Variants in CNTN5 observed in about 807,000 individuals in gnomAD.
CNTN5 encodes the protein contactin-5.
A neutral mutation model predicts 129.1 loss-of-function variants in CNTN5; 77 were observed. The observed-to-expected ratio is 0.60, with a 90% CI of 0.50 to 0.72. The LOEUF is 0.72. Ranked by LOEUF, CNTN5 falls within the 30% of genes least tolerant of loss-of-function variation. The pLI, the probability that CNTN5 is intolerant of heterozygous loss-of-function variation, is 0.00. For missense variants in CNTN5, 1,478 were observed against 1,328.8 expected, an observed-to-expected ratio of 1.11 and a Z score of -1.75; for synonymous variants, 509 against 465.6, an observed-to-expected ratio of 1.09 and a Z score of -1.20.
intron 2 of CNTN5, among the ~76,000 whole-genome samples, chr11:99,434,950 AT>A (rs1943543948): frequency 6.6e-6 from 1 of 152,152 alleles, no homozygotes; most frequent in African/African-American, 2.4e-5. Context: ...CTTGCATCCA[AT>A]TTTAGGATCA....
intron 1 of CNTN5, among the ~76,000 whole-genome samples, chr11:99,085,388 G>A (rs992999131): frequency 6.6e-6 from 1 of 152,088 alleles, no homozygotes; most frequent in Non-Finnish European, 1.5e-5. Context: ...TAAAGATTAA[G>A]ATTAATATTA....
intron 3 of CNTN5, among the ~76,000 whole-genome samples, chr11:99,679,405 T>C (rs1953454963): frequency 6.6e-6 from 1 of 152,084 alleles, no homozygotes; most frequent in Admixed American, 6.6e-5. Context: ...ATGTGTTCAC[T>C]CTACCTTTAT....
intron 9 of CNTN5, among the ~76,000 whole-genome samples, chr11:100,039,766 A>C (rs913319933): frequency 2.0e-5 from 3 of 152,118 alleles, no homozygotes; most frequent in Admixed American, 6.6e-5. Context: ...GGCATTGGCT[A>C]CTGAGGCTTC....
intron 3 of CNTN5, among the ~76,000 whole-genome samples, chr11:99,784,416 G>A (rs906980183): frequency 4.0e-5 from 6 of 151,888 alleles, no homozygotes; most frequent in Non-Finnish European, 8.8e-5. Context: ...GTATGTTCCT[G>A]TGTTAATTTG....
chr11:100,080,963 A>T (rs1944341457), intron 13 of CNTN5, among the ~76,000 whole-genome samples: 1 of 152,138 alleles, frequency 6.6e-6, no homozygotes, highest in African/African-American at 2.4e-5. Context: ...ACTATATAAG[A>T]TGCCTTAGTA....
At chr11:100,166,695 A>T (rs931957717) in intron 13 of CNTN5, among the ~76,000 whole-genome samples, 11 of 151,798 alleles carry the variant, frequency 7.2e-5, no homozygotes, top group Admixed American at 2.6e-4. Flanking sequence ...AAAGCAGAAT[A>T]GGCACAAAGG....
intron 6 of CNTN5, among the ~76,000 whole-genome samples, chr11:99,854,981 G>A (rs1591315170): frequency 6.6e-6 from 1 of 152,098 alleles, no homozygotes; most frequent in African/African-American, 2.4e-5. Flanking sequence ...AGTTTAAAGT[G>A]GGGACTGATA....
chr11:99,763,627 C>A (rs934045299), intron 3 of CNTN5, among the ~76,000 whole-genome samples: 2 of 151,740 alleles, frequency 1.3e-5, no homozygotes, highest in African/African-American at 4.8e-5. Flanking sequence ...ATAGGTACAC[C>A]CACCTCATTA....
intron 3 of CNTN5, among the ~76,000 whole-genome samples, chr11:99,608,441 A>G (rs773089290): frequency 6.6e-6 from 1 of 152,206 alleles, no homozygotes; most frequent in Non-Finnish European, 1.5e-5. Flanking sequence ...CCTGGTCAGA[A>G]TGTGACTTTA....
chr11:100,083,863 ATTTT>A (rs1944454329), intron 13 of CNTN5, among the ~76,000 whole-genome samples: 2 of 151,818 alleles, frequency 1.3e-5, no homozygotes, highest in African/African-American at 4.8e-5. Context: ...TCCTTCAAAT[ATTTT>A]CTTTTTCTTG....
intron 3 of CNTN5, among the ~76,000 whole-genome samples, chr11:99,769,612 G>A (rs1020295435): frequency 2.0e-5 from 3 of 152,010 alleles, no homozygotes; most frequent in Non-Finnish European, 2.9e-5. Context: ...TGAAGAGGGC[G>A]AATAGCTTGA....
intron 3 of CNTN5, among the ~76,000 whole-genome samples, chr11:99,630,255 TATATATATATATATGTATATACACATA>T (rs1382905467): frequency 2.8e-4 from 1 of 3,518 alleles, no homozygotes; most frequent in African/African-American, 3.1e-4. Context: ...TACATATATA[TATATATATATATATGTATATACACATA>T]ATATGGTTGG....
intron 3 of CNTN5, among the ~76,000 whole-genome samples, chr11:99,807,050 A>C (rs1369129959): frequency 6.6e-6 from 1 of 152,124 alleles, no homozygotes; most frequent in African/African-American, 2.4e-5. Flanking sequence ...AAAATATTTG[A>C]TATATAATTT....
At chr11:99,878,123 A>C (rs139570485) in intron 6 of CNTN5, among the ~76,000 whole-genome samples, 1 of 152,330 alleles carries the variant, frequency 6.6e-6, no homozygotes, top group African/African-American at 2.4e-5. Context: ...GAGCAGAAAG[A>C]AAGTTTGAGA....
intron 7 of CNTN5, among the ~76,000 whole-genome samples, chr11:99,945,785 C>T (rs542802832): frequency 1.4e-4 from 22 of 152,116 alleles, no homozygotes; most frequent in African/African-American, 5.3e-4. Flanking sequence ...ACCTTACACG[C>T]TCATCGAGTT....
chr11:99,356,154 G>A (rs959830537), intron 2 of CNTN5, among the ~76,000 whole-genome samples: 12 of 151,126 alleles, frequency 7.9e-5, no homozygotes, highest in African/African-American at 2.7e-4. Flanking sequence ...ATTCCAATAC[G>A]GACATTTTTT....
chr11:99,061,328 G>C (rs1017842372), intron 1 of CNTN5, among the ~76,000 whole-genome samples: 1 of 152,116 alleles, frequency 6.6e-6, no homozygotes, highest in Non-Finnish European at 1.5e-5. Context: ...AGTGTGTGGG[G>C]AGAGGGACAG....
At chr11:100,087,894 T>TA (rs910973232) in intron 13 of CNTN5, among the ~76,000 whole-genome samples, 3 of 151,490 alleles carry the variant, frequency 2.0e-5, no homozygotes, top group South Asian at 2.1e-4. Context: ...CTTAATAAAC[T>TA]AAAAAAATAG....
chr11:100,010,487 C>G (rs1940461490), intron 9 of CNTN5, among the ~76,000 whole-genome samples: 1 of 152,026 alleles, frequency 6.6e-6, no homozygotes, highest in Non-Finnish European at 1.5e-5. Flanking sequence ...GGATTCCCTG[C>G]TGAGGTGCCA....
Sources: allele counts gnomAD v4.1 joint callset (sites outside exome capture counted in the v4.1 genomes callset), GRCh38; gene constraint gnomAD v4.1.1; transcripts MANE v1.5; gene names NCBI Gene and HGNC (gene_info 2026-07-23, HGNC 2026-07-21).